Variants in LARP6 observed in about 807,000 individuals in gnomAD.
The protein encoded by LARP6 is La ribonucleoprotein 6, translational regulator.
A neutral mutation model predicts 32.8 loss-of-function variants in LARP6; 18 were observed. The observed-to-expected ratio is 0.55, with a 90% CI of 0.38 to 0.81. LARP6 has a LOEUF of 0.81. LARP6 is among the 40% of genes least tolerant of loss of function. LARP6 has a pLI of 0.00. For missense variants in LARP6, 598 were observed against 663.1 expected, an observed-to-expected ratio of 0.90 and a Z score of 1.08; for synonymous variants, 289 against 267.2, an observed-to-expected ratio of 1.08 and a Z score of -0.80.
rs976712354 is a variant in LARP6, at chr15:70,846,320, G to A, written c.200+7569C>T. On this transcript the variant is annotated intron_variant, in intron 1 of 2. Coordinates refer to ENST00000299213, the MANE Select transcript of LARP6 (RefSeq NM_018357.4). ...CTGTTAAATAAAATTCAAACTCTTC[G>A]GCTCCCAACCAGGCACGGTGGCTCA... is the stretch of plus-strand genomic sequence containing the variant. Among the ~76,000 whole-genome samples the A allele has an allele frequency of 5.3e-5, 8 of 151,910 alleles. No individual in the cohort carries two copies. The South Asian group carries it at 1.0e-3, about 20-fold the overall frequency.
intron 1 of LARP6, among the ~76,000 whole-genome samples, chr15:70,842,876 T>C (rs937873154): frequency 3.9e-5 from 6 of 152,188 alleles, no homozygotes; most frequent in Non-Finnish European, 8.8e-5. Flanking sequence ...ATGAGTGCTG[T>C]CAGCAGCAAC....
intron 1 of LARP6, among the ~76,000 whole-genome samples, chr15:70,844,211 C>T (rs76282226): frequency 6.6e-6 from 1 of 152,150 alleles, no homozygotes; most frequent in Non-Finnish European, 1.5e-5. Flanking sequence ...CCTGCCTCAG[C>T]CTCCCAATGT....
intron 1 of LARP6, chr15:70,851,625 TCAA>T: frequency 6.2e-7 from 1 of 1,611,294 alleles, no homozygotes. Context: ...ACGCATTCAG[TCAA>T]CAAACATGTC....
At chr15:70,848,937 GAA>G (rs1482847276) in intron 1 of LARP6, 1 of 152,040 alleles carries the variant, frequency 6.6e-6, no homozygotes, top group Non-Finnish European at 1.5e-5. Flanking sequence ...GTAATACAAA[GAA>G]AATAAGTAAT....
In LARP6 at chr15:70,833,075, A is replaced by G. The variant is rs2141048645; in HGVS notation, c.453T>C (p.Ala151=). ...ACTCAAGGACCACTGAATACTTCAA[A>G]GCATGTGCTGTGGTTCTCCAGTCCC... ...LTRDWRTTAH[A]LKYSVVLELN... Residue 151 remains alanine (A), a synonymous_variant, in exon 3 of 3, where the codon GCT becomes GCC. Transcript: ENST00000299213. 6.2e-7 allele frequency: 1 copy of G among 1,614,144 alleles called. No homozygotes were observed. Among genetic ancestry groups the G allele is most frequent in the Non-Finnish European group, 8.5e-7 (1 of 1,180,018 alleles).
rs948757998 is a variant in LARP6, at chr15:70,833,034, C to T, written c.494G>A (p.Arg165Gln). 9.3e-6 allele frequency: 15 copies of T among 1,614,026 alleles called. No homozygotes were observed. The highest frequency in any genetic ancestry group is 1.3e-5 in the Non-Finnish European group (15 of 1,179,942). ...GACGGGGGTGGTCCTCCTCACCTTC[C>T]GGTGGTCCTCATTCAACTCAAGGAC... ...SVVLELNEDH[R>Q]KVRRTTPVPL... Residue 165 changes from arginine to glutamine, a missense_variant, in exon 3 of 3, where the codon CGG (arginine) becomes CAG (glutamine). Physicochemically the swap from Arg to Gln is conservative, Grantham distance 43. Coordinates refer to ENST00000299213, the MANE Select transcript of LARP6 (RefSeq NM_018357.4).
chr15:70,839,555 T>A (rs1292187100), intron 1 of LARP6, among the ~76,000 whole-genome samples: 1 of 152,122 alleles, frequency 6.6e-6, no homozygotes, highest in Non-Finnish European at 1.5e-5. Context: ...TCACCCAACA[T>A]CCAATAACAA....
At chr15:70,853,835 G>A in intron 1 of LARP6, 54 bp downstream of exon 1, 1 of 1,186,004 alleles carries the variant, frequency 8.4e-7, no homozygotes, top group Non-Finnish European at 1.1e-6. Context: ...CCGAACTCGC[G>A]CGCGGCCCGG....
chr15:70,851,858 G>T (rs1208373344), intron 1 of LARP6: 22 of 1,428,520 alleles, frequency 1.5e-5, no homozygotes, highest in Non-Finnish European at 1.6e-5. Flanking sequence ...AGAAGAGGCA[G>T]CGAAGTTTTA....
At chr15:70,853,608 TC>T (rs2032550032) in intron 1 of LARP6, 5 of 272,610 alleles carry the variant, frequency 1.8e-5, no homozygotes, top group Non-Finnish European at 3.4e-5. Context: ...CCCGTGAAAG[TC>T]CTCCTCCTGG....
At chr15:70,839,012 T>A (rs762343758) in intron 1 of LARP6, among the ~76,000 whole-genome samples, 3 of 151,872 alleles carry the variant, frequency 2.0e-5, no homozygotes, top group Non-Finnish European at 4.4e-5. Context: ...TATTTAAAAA[T>A]TTTTCAAATT....
At chr15:70,841,366 G>T (rs968725042) in intron 1 of LARP6, among the ~76,000 whole-genome samples, 1 of 152,170 alleles carries the variant, frequency 6.6e-6, no homozygotes, top group African/African-American at 2.4e-5. Context: ...CTAGACCTCC[G>T]TTGGGCAACT....
intron 1 of LARP6, among the ~76,000 whole-genome samples, chr15:70,847,839 G>A (rs980789757): frequency 3.3e-5 from 5 of 151,976 alleles, no homozygotes; most frequent in African/African-American, 1.2e-4. Flanking sequence ...TTCAATCCAG[G>A]AATGATTTTT....
chr15:70,839,739 C>T lies in LARP6; in HGVS notation c.201-3234G>A, dbSNP rs374901982. Among the ~76,000 whole-genome samples, 782 of 152,230 alleles carry T rather than the reference C, an allele frequency of 5.1e-3. 3 individuals are homozygous for T. The highest frequency in any genetic ancestry group is 8.3e-3 in the Non-Finnish European group (565 of 68,014). ...ATGGGACTACAGGCGCCCACCACCA[C>T]GCCCGGCTTTAATTGCCGTCTTTAC... On this transcript the variant is annotated intron_variant, in intron 1 of 2. Coordinates refer to ENST00000299213, the MANE Select transcript of LARP6 (RefSeq NM_018357.4).
chr15:70,851,410 G>A, intron 1 of LARP6: 1 of 1,175,178 alleles, frequency 8.5e-7, no homozygotes, highest in Non-Finnish European at 1.1e-6. Flanking sequence ...GGAGATGTGG[G>A]GAGATGATCA....
rs2032018094 is a variant in LARP6 at position 70,830,371 on chromosome 15, C to G, written c.*1681G>C. The G allele has an allele frequency of 6.6e-6, 1 of 152,228 alleles. No individual in the cohort carries two copies. The highest frequency in any genetic ancestry group is 2.4e-5 in the African/African-American group (1 of 41,446). The allele number at this position is 152,228 out of a possible 1,614,324, so 9.4% of individuals were successfully genotyped here. A position where few individuals can be genotyped will look rare whatever the true frequency, so the allele number is the denominator to read the frequency against. ...TGGCATAATAATTCCTTATGATGGA[C>G]ACTGAGAGTAAGTGAAATGTGTCTA... On this transcript the variant is annotated 3_prime_UTR_variant, in exon 3 of 3. Coordinates refer to ENST00000299213, the MANE Select transcript of LARP6 (RefSeq NM_018357.4).
Position 70,832,248 on chromosome 15 carries a change from G to A in LARP6, c.1280C>T (p.Pro427Leu). 1.2e-6 allele frequency: 2 copies of A among 1,614,190 alleles called. No homozygotes were observed. Among genetic ancestry groups the A allele is most frequent in the Non-Finnish European group, 1.7e-6 (2 of 1,180,042 alleles). ...CCTCCGGACCCAGGGGCTGCCAGAGGGAGTGACGCTGCTGTCAGAGGAATA... is the reference window on the plus strand; with the variant it reads ...CCTCCGGACCCAGGGGCTGCCAGAGAGAGTGACGCTGCTGTCAGAGGAATA... ...MDYSSDSSVT[P>L]SGSPWVRRRR... Residue 427 changes from proline (P) to leucine (L), a missense_variant, in exon 3 of 3, where the codon CCC becomes CTC. By Grantham distance (98) the Pro-to-Leu change is moderately conservative. Around this residue, in one of 3 missense-constraint regions of LARP6, gnomAD observed 368 missense variants for 397.9 expected, o/e 0.92. Transcript: ENST00000299213.
At position 70,832,479 on chromosome 15, in the gene LARP6, A is replaced by G. The variant is rs770827489; in HGVS notation, c.1049T>C (p.Met350Thr). 3.9e-6 allele frequency: 6 copies of G among 1,551,294 alleles called. No individual in the cohort carries two copies. The highest frequency in any genetic ancestry group is 5.2e-6 in the Non-Finnish European group (6 of 1,151,828). ...GGTGGCCGCGTGCCGTCGGCCCGCC[A>G]TAGGGGATGTGGGGTTGCTCTCGGG... ...SDPESNPTSP[M>T]AGRRHAATNK... Residue 350 changes from methionine to threonine, a missense_variant, in exon 3 of 3, where the codon ATG (methionine) becomes ACG (threonine). Physicochemically the swap from Met to Thr is moderately conservative, Grantham distance 81 (BLOSUM62 -1). This residue lies in a region of LARP6 where 368 missense variants were observed against 397.9 expected (regional missense o/e 0.92). Transcript: ENST00000299213.
chr15:70,852,304 G>C (rs1023616392), intron 1 of LARP6: 26 of 455,712 alleles, frequency 5.7e-5, no homozygotes, highest in Non-Finnish European at 3.5e-5. Flanking sequence ...AACACTTGCT[G>C]AGACTCAAGC....
Sources: gnomAD v4.1 joint callset for allele counts (sites outside exome capture counted in the v4.1 genomes callset) on GRCh38, gnomAD v4.1.1 for gene constraint, gnomAD v4.1.1 regional missense constraint, MANE v1.5 for transcripts, NCBI Gene and HGNC (gene_info 2026-07-23, HGNC 2026-07-21) for gene names.